Variants in ATP11B observed in about 807,000 individuals in gnomAD.
ATP11B encodes the protein phospholipid-transporting ATPase IF.
ATP11B carries 81 observed loss-of-function variants against 157.8 expected under a neutral mutation model. The observed-to-expected ratio is 0.51, with a 90% confidence interval of 0.43 to 0.62. The LOEUF is 0.62. Ranked by LOEUF, ATP11B falls within the 20% of genes least tolerant of loss-of-function variation. The pLI, the probability that ATP11B is intolerant of heterozygous loss-of-function variation, is 0.00. For synonymous variants in ATP11B, 451 were observed against 469.4 expected (o/e 0.96, Z 0.51); for missense variants, 1,165 against 1,402.2 (o/e 0.83, Z 2.70).
chr3:182,819,079 CT>C (rs11398702), intron 1 of ATP11B, among the ~76,000 whole-genome samples: 14,616 of 134,970 alleles, frequency 0.11, 715 homozygotes, highest in African/African-American at 0.17. Flanking sequence ...TCTAATATTT[CT>C]TTTTTTTTTT....
At chr3:182,812,967 A>G (rs779827929) in intron 1 of ATP11B, among the ~76,000 whole-genome samples, 2 of 152,128 alleles carry the variant, frequency 1.3e-5, no homozygotes, top group Non-Finnish European at 2.9e-5. Flanking sequence ...ATCATACAAT[A>G]TTTGTCATTT....
At chr3:182,880,039 CT>C (rs1473960722) in intron 20 of ATP11B, among the ~76,000 whole-genome samples, 1 of 152,112 alleles carries the variant, frequency 6.6e-6, no homozygotes, top group African/African-American at 2.4e-5. Flanking sequence ...TTCTTTGTTA[CT>C]TTTAGCTATA....
intron 21 of ATP11B, among the ~76,000 whole-genome samples, chr3:182,882,560 C>A (rs1278201629): frequency 2.0e-5 from 3 of 149,118 alleles, no homozygotes; most frequent in African/African-American, 7.4e-5. Flanking sequence ...AAAACAAATT[C>A]AAGATGGATT....
At chr3:182,915,844 T>G (rs1196813421) in intron 29 of ATP11B, 2 of 972,772 alleles carry the variant, frequency 2.1e-6, no homozygotes, top group African/African-American at 3.5e-5. Flanking sequence ...CACTTAAAAT[T>G]GCGCCATATT....
chr3:182,858,045 T>C lies in ATP11B; in HGVS notation c.1002+17T>C. The C allele has an allele frequency of 1.3e-6, 2 of 1,598,744 alleles. No individual in the cohort carries two copies. The highest frequency in any genetic ancestry group is 2.2e-5 in the East Asian group (1 of 44,504). On this transcript the variant is annotated intron_variant, in intron 11 of 29. Coordinates refer to ENST00000323116, the MANE Select transcript of ATP11B (RefSeq NM_014616.3). ...AGCAGTAAGGTATTTTATGGTGTTATTGACTGTGTCATAAAGGAAACTATT... is the reference window on the plus strand; with the variant it reads ...AGCAGTAAGGTATTTTATGGTGTTACTGACTGTGTCATAAAGGAAACTATT...
At chr3:182,840,687 C>A (rs887873616) in intron 7 of ATP11B, among the ~76,000 whole-genome samples, 1 of 152,160 alleles carries the variant, frequency 6.6e-6, no homozygotes, top group South Asian at 2.1e-4. Flanking sequence ...CATCTCCTCT[C>A]CCTTCGTCTT....
chr3:182,908,859 C>A (rs1268971421), intron 28 of ATP11B, among the ~76,000 whole-genome samples: 1 of 152,178 alleles, frequency 6.6e-6, no homozygotes, highest in African/African-American at 2.4e-5. Flanking sequence ...TCCTTAAACA[C>A]AAACCTCTTC....
chr3:182,813,096 A>AT (rs1410333184), intron 1 of ATP11B, among the ~76,000 whole-genome samples: 1 of 152,114 alleles, frequency 6.6e-6, no homozygotes, highest in African/African-American at 2.4e-5. Context: ...ATAATACCAC[A>AT]TTTTGTTTAT....
intron 10 of ATP11B, among the ~76,000 whole-genome samples, chr3:182,852,994 A>G (rs1312664041): frequency 6.6e-6 from 1 of 152,184 alleles, no homozygotes; most frequent in Admixed American, 6.5e-5. Flanking sequence ...TTGTACCTAG[A>G]CTATCCAGTC....
intron 8 of ATP11B, 48 bp downstream of exon 8, chr3:182,842,170 T>A (rs1449097300): frequency 7.4e-7 from 1 of 1,349,390 alleles, no homozygotes; most frequent in African/African-American, 1.4e-5. Flanking sequence ...GGGAACTGTT[T>A]GGGGGAGGGA....
chr3:182,809,949 A>G (rs766852830), intron 1 of ATP11B, among the ~76,000 whole-genome samples: 35 of 152,232 alleles, frequency 2.3e-4, no homozygotes, highest in Non-Finnish European at 4.3e-4. Flanking sequence ...TTAAAAGGCA[A>G]GAATTGCAGA....
chr3:182,796,112 A>T (rs1243973616), intron 1 of ATP11B, among the ~76,000 whole-genome samples: 1 of 152,228 alleles, frequency 6.6e-6, no homozygotes, highest in African/African-American at 2.4e-5. Context: ...AAATATTTTC[A>T]CTACTTGAGA....
intron 10 of ATP11B, among the ~76,000 whole-genome samples, chr3:182,852,411 G>A (rs2140294): frequency 6.6e-6 from 1 of 151,998 alleles, no homozygotes; most frequent in African/African-American, 2.4e-5. Flanking sequence ...CTCCATAGAT[G>A]CTACACATAT....
intron 15 of ATP11B, 34 bp from the exon 16 acceptor site, chr3:182,869,044 A>T (rs765662374): frequency 1.4e-6 from 2 of 1,442,984 alleles, no homozygotes; most frequent in Middle Eastern, 4.0e-4. Context: ...TAAAAAAAGT[A>T]AAGTTTTTGT....
At chr3:182,817,273 CG>C (rs1452670031) in intron 1 of ATP11B, among the ~76,000 whole-genome samples, 4 of 149,590 alleles carry the variant, frequency 2.7e-5, no homozygotes, top group South Asian at 2.1e-4. Context: ...TTGGGGGGAC[CG>C]TTTTTTTTTT....
chr3:182,896,432 A>C (rs900112021), intron 25 of ATP11B, among the ~76,000 whole-genome samples: 1 of 152,220 alleles, frequency 6.6e-6, no homozygotes, highest in Admixed American at 6.5e-5. Context: ...TCTAACTAAA[A>C]ATAGTCTGTG....
At chr3:182,827,632 T>A (rs1206744913) in intron 2 of ATP11B, among the ~76,000 whole-genome samples, 1 of 151,984 alleles carries the variant, frequency 6.6e-6, no homozygotes, top group African/African-American at 2.4e-5. Context: ...AAAGCATTTC[T>A]ATTTCTTTAA....
intron 21 of ATP11B, among the ~76,000 whole-genome samples, chr3:182,883,553 CAG>C (rs1355465565): frequency 6.6e-6 from 1 of 151,942 alleles, no homozygotes; most frequent in Non-Finnish European, 1.5e-5. Context: ...CCACCACACC[CAG>C]CCTGAGCCAC....
At chr3:182,895,967 G>A (rs1053998543) in intron 25 of ATP11B, among the ~76,000 whole-genome samples, 2 of 152,158 alleles carry the variant, frequency 1.3e-5, no homozygotes, top group African/African-American at 4.8e-5. Flanking sequence ...GTGAAATGTT[G>A]CACTTTGACC....
Sources: allele counts gnomAD v4.1 joint callset (sites outside exome capture counted in the v4.1 genomes callset), GRCh38; gene constraint gnomAD v4.1.1; transcripts MANE v1.5; gene names NCBI Gene and HGNC (gene_info 2026-07-23, HGNC 2026-07-21).